The following ZNF331 variants were observed in gnomAD, a reference collection of about 807,000 sequenced individuals.
ZNF331 encodes C2H2-like zinc finger protein rearranged in thyroid adenomas.
A neutral mutation model predicts 7.0 loss-of-function variants in ZNF331; 2 were observed. The ratio of observed to expected loss-of-function variants is 0.29; its 90% CI spans 0.12 to 0.90. The LOEUF (loss-of-function observed/expected upper bound fraction) is 0.90, where lower values mean the gene tolerates loss of function less well. ZNF331 is among the 40% of genes least tolerant of loss of function. The pLI is 0.58. For synonymous variants in ZNF331, 196 were observed against 205.4 expected (o/e 0.95, Z 0.39); for missense variants, 432 against 587.7 (o/e 0.74, Z 2.74).
intron 5 of ZNF331, among the ~76,000 whole-genome samples, chr19:53,572,246 C>T (rs1483912274): frequency 1.3e-5 from 2 of 152,074 alleles, no homozygotes; most frequent in Non-Finnish European, 1.5e-5. Context: ...AAGTTACAAT[C>T]CCCGAACTGT....
rs2090443125 is a variant in ZNF331, at chr19:53,571,482, C to T, written c.10-122C>T. The T allele has an allele frequency of 7.1e-6, 9 of 1,271,198 alleles. No individual in the cohort carries two copies. Among genetic ancestry groups the T allele is most frequent in the African/African-American group, 1.5e-5 (1 of 67,230 alleles). 78.7% of individuals were successfully genotyped at this position (1,271,198 alleles called of 1,614,324 possible). On this transcript the variant is annotated intron_variant, in intron 4 of 5. Transcript: ENST00000449416. The surrounding 1 kb of genome is among the most constrained non-coding windows in gnomAD (Gnocchi z 4.7). Reference sequence around the variant, plus strand: ...CAGTGATGTCCTTACCGCCCCTTGCCGATGTCACGGGTGTTCAGTCTGCTC... The same window carrying T: ...CAGTGATGTCCTTACCGCCCCTTGCTGATGTCACGGGTGTTCAGTCTGCTC...
intron 5 of ZNF331, among the ~76,000 whole-genome samples, chr19:53,572,561 CACACATATATATTATATAT>C (rs1257130963): frequency 7.0e-4 from 73 of 103,888 alleles, no homozygotes; most frequent in South Asian, 3.3e-3. Flanking sequence ...TATATATACA[CACACATATATATTATATAT>C]ACACATATAT....
chr19:53,540,349 C>T (rs1249366474), intron 2 of ZNF331, among the ~76,000 whole-genome samples: 2 of 152,180 alleles, frequency 1.3e-5, no homozygotes, highest in South Asian at 2.1e-4. Flanking sequence ...TTGCTGTGTC[C>T]TCTCACGGAG....
At chr19:53,546,623 C>T (rs1177775505) in intron 2 of ZNF331, among the ~76,000 whole-genome samples, 1 of 151,492 alleles carries the variant, frequency 6.6e-6, no homozygotes, top group African/African-American at 2.4e-5. Flanking sequence ...GGAGGGGATT[C>T]GTTTTTAGGT....
At position 53,555,925 on chromosome 19, in the gene ZNF331, T is replaced by C. The variant is rs1254136101; in HGVS notation, c.-74+17T>C. The C allele has an allele frequency of 1.4e-5, 2 of 147,714 alleles. No individual in the cohort carries two copies. The highest frequency in any genetic ancestry group is 3.9e-4 in the East Asian group (2 of 5,176). The allele number at this position is 147,714 out of a possible 1,614,324, so 9.2% of individuals were successfully genotyped here. A position where few individuals can be genotyped will look rare whatever the true frequency, so the allele number is the denominator to read the frequency against. On this transcript the variant is annotated intron_variant, in intron 3 of 5. Transcript: ENST00000449416. ...TTAGGTCAGGTGAGTATCTTTTTTTTTTTTTTAATTAAATCATATGTGTTT... is the reference window on the plus strand; with the variant it reads ...TTAGGTCAGGTGAGTATCTTTTTTTCTTTTTTAATTAAATCATATGTGTTT...
In ZNF331 at chr19:53,525,246, G is replaced by A. The variant is rs140633927; in HGVS notation, c.-205+2562G>A. ...TTGCCTAGGATTGTCTTAGCAATGC[G>A]GGCTCTTTTTTGGTTCCATATGAAC... On this transcript the variant is annotated intron_variant, in intron 2 of 6. Coordinates refer to the ZNF331 transcript ENST00000253144. Among the ~76,000 whole-genome samples the A allele has an allele frequency of 9.9e-3, 1,500 of 152,238 alleles. 29 individuals carry two copies. The highest frequency in any genetic ancestry group is 0.034 in the African/African-American group (1,400 of 41,538).
intron 5 of ZNF331, among the ~76,000 whole-genome samples, chr19:53,574,673 G>A (rs1404154309): frequency 6.6e-6 from 1 of 152,086 alleles, no homozygotes; most frequent in African/African-American, 2.4e-5. Context: ...TGTTGTTAAT[G>A]TGTCACCACC....
chr19:53,537,382 T>C (rs559591276), upstream of ZNF331: 1 of 152,378 alleles, frequency 6.6e-6, no homozygotes, highest in South Asian at 2.1e-4. Flanking sequence ...CTGCAGAGAA[T>C]TCCAGGTGAC....
the ZNF331 span, chr19:53,503,426 C>G: frequency 1.7e-6 from 1 of 581,458 alleles, no homozygotes; most frequent in Non-Finnish European, 3.1e-6. Flanking sequence ...GAACGATCTT[C>G]TTATCGCAGA....
At chr19:53,524,469 G>A (rs2087215474) in intron 2 of ZNF331, among the ~76,000 whole-genome samples, 1 of 152,182 alleles carries the variant, frequency 6.6e-6, no homozygotes, top group African/African-American at 2.4e-5. Context: ...ACTGGTGTGA[G>A]ATGGTATCTC....
At position 53,539,677 on chromosome 19, in the gene ZNF331, T is replaced by C. The variant is rs2087999758; in HGVS notation, c.-138+395T>C. Among the ~76,000 whole-genome samples, 1 of 152,224 alleles carries C rather than the reference T, an allele frequency of 6.6e-6. No homozygotes were observed. The highest frequency in any genetic ancestry group is 2.1e-4 in the South Asian group (1 of 4,830). On this transcript the variant is annotated intron_variant, in intron 2 of 5. Coordinates refer to ENST00000449416, the MANE Select transcript of ZNF331 (RefSeq NM_001079906.2). The surrounding 1 kb of genome is among the most constrained non-coding windows in gnomAD (Gnocchi z 6.1). Reference sequence around the variant, plus strand: ...TTTCCAAGGGACATTCTGTGTATATTTACTGTATGTGATTATCAGTGTTAG... The same window carrying C: ...TTTCCAAGGGACATTCTGTGTATATCTACTGTATGTGATTATCAGTGTTAG...
chr19:53,569,503 C>T (rs3746304), intron 4 of ZNF331, 118 bp downstream of exon 4: 861,686 of 1,203,834 alleles, frequency 0.72, 311,057 homozygotes, highest in African/African-American at 0.9. Context: ...TGTTTCCCAG[C>T]TCTTTCTATT....
At position 53,578,807 on chromosome 19, in the gene ZNF331, GT is replaced by G; in HGVS notation, c.*860del. On this transcript the variant is annotated 3_prime_UTR_variant, in exon 6 of 6. Coordinates refer to ENST00000449416, the MANE Select transcript of ZNF331 (RefSeq NM_001079906.2). ...ACTGATCACTGTTGTTTTTGTTTTT[GT>G]TTTTGTTTTTTTGAGACAGAGTCTC... is the stretch of plus-strand genomic sequence containing the variant. 5.1e-6 allele frequency: 1 copy of G among 196,162 alleles called. No homozygotes were observed. Among genetic ancestry groups the G allele is most frequent in the Non-Finnish European group, 1.1e-5 (1 of 94,704 alleles). The allele number at this position is 196,162 out of a possible 1,614,324, so 12.2% of individuals were successfully genotyped here. A position where few individuals can be genotyped will look rare whatever the true frequency, so the allele number is the denominator to read the frequency against.
chr19:53,525,902 T>A (rs535816302), intron 2 of ZNF331, among the ~76,000 whole-genome samples: 1 of 152,226 alleles, frequency 6.6e-6, no homozygotes, highest in African/African-American at 2.4e-5. Context: ...ATTATGATGT[T>A]AGCTATGTGC....
At chr19:53,561,334 C>CAAA (rs59551370) in intron 3 of ZNF331, among the ~76,000 whole-genome samples, 3 of 104,872 alleles carry the variant, frequency 2.9e-5, no homozygotes, top group Non-Finnish European at 5.7e-5. Context: ...GCCTGCTGGC[C>CAAA]AAAAAAAAAA....
intron 2 of ZNF331, among the ~76,000 whole-genome samples, chr19:53,530,911 A>T (rs921160805): frequency 6.6e-6 from 1 of 152,174 alleles, no homozygotes; most frequent in Non-Finnish European, 1.5e-5. Context: ...CAGGGTGACC[A>T]TCCTTACAGA....
At chr19:53,524,616 T>C (rs1399500853) in intron 2 of ZNF331, among the ~76,000 whole-genome samples, 2 of 152,028 alleles carry the variant, frequency 1.3e-5, no homozygotes, top group Admixed American at 1.3e-4. Flanking sequence ...GGGTTTTTTG[T>C]TTTTTTCTTG....
chr19:53,545,148 A>G (rs1427165642), intron 2 of ZNF331, among the ~76,000 whole-genome samples: 1 of 152,212 alleles, frequency 6.6e-6, no homozygotes, highest in Non-Finnish European at 1.5e-5. Context: ...TAGAAAAATA[A>G]CTTACCTAGA....
chr19:53,547,413 A>T (rs902468372), intron 2 of ZNF331, among the ~76,000 whole-genome samples: 2 of 152,148 alleles, frequency 1.3e-5, no homozygotes, highest in African/African-American at 4.8e-5. Flanking sequence ...TCTCTACCAC[A>T]CTTTCTTTAT....
Sources: allele counts gnomAD v4.1 joint callset (sites outside exome capture counted in the v4.1 genomes callset), GRCh38; gene constraint gnomAD v4.1.1; non-coding constraint Gnocchi (gnomAD v3.1); transcripts MANE v1.5; gene names NCBI Gene and HGNC (gene_info 2026-07-23, HGNC 2026-07-21).